The following KDM1B variants were observed in gnomAD, a reference collection of about 807,000 sequenced individuals.
The protein encoded by KDM1B is lysine-specific histone demethylase 2.
Under a neutral mutation model 107.4 loss-of-function variants are expected in KDM1B, and 63 were observed. The ratio of observed to expected loss-of-function variants is 0.59; its 90% CI spans 0.48 to 0.72. The LOEUF is 0.72. Among genes scored for constraint, KDM1B ranks in the 30% least tolerant of loss-of-function variants. KDM1B has a pLI of 0.00. For synonymous variants in KDM1B, 363 were observed against 363.9 expected, an observed-to-expected ratio of 1.00 and a Z score of 0.03; for missense variants, 749 against 1,020.8, an observed-to-expected ratio of 0.73 and a Z score of 3.63.
In KDM1B at chr6:18,171,351, C is replaced by T; in HGVS notation, c.418-12C>T. ...CTCACTTGTTCATCTTGACTTGATACTTCCCATCTAGGTTCAGTGTACAAA... is the reference window on the plus strand; with the variant it reads ...CTCACTTGTTCATCTTGACTTGATATTTCCCATCTAGGTTCAGTGTACAAA... On this transcript the variant is annotated splice_polypyrimidine_tract_variant and intron_variant, in intron 6 of 21. Transcript: ENST00000650836. The T allele has an allele frequency of 7.4e-7, 1 of 1,347,354 alleles. No individual in the cohort carries two copies. Among genetic ancestry groups the T allele is most frequent in the South Asian group, 1.2e-5 (1 of 85,862 alleles). The allele number at this position is 1,347,354 out of a possible 1,614,324, so 83.5% of individuals were successfully genotyped here.
intron 20 of KDM1B, 103 bp downstream of exon 20, chr6:18,215,232 A>G (rs1023503487): frequency 7.5e-7 from 1 of 1,324,920 alleles, no homozygotes; most frequent in African/African-American, 1.5e-5. Context: ...ACAGGAAGGA[A>G]GGCAGAGGCC....
chr6:18,173,387 T>C (rs1785788059), intron 7 of KDM1B, among the ~76,000 whole-genome samples: 2 of 152,182 alleles, frequency 1.3e-5, no homozygotes, highest in Admixed American at 1.3e-4. Flanking sequence ...TTTTATTGAT[T>C]TGTAGTTCTT....
At chr6:18,161,687 A>G (rs1784980133) in intron 4 of KDM1B, among the ~76,000 whole-genome samples, 1 of 152,106 alleles carries the variant, frequency 6.6e-6, no homozygotes, top group South Asian at 2.1e-4. Context: ...TTTGCAACAC[A>G]GTGTCCTCAA....
chr6:18,189,867 C>T (rs1355680010), intron 9 of KDM1B, among the ~76,000 whole-genome samples: 5 of 151,956 alleles, frequency 3.3e-5, no homozygotes, highest in Admixed American at 1.3e-4. Flanking sequence ...TATTTTAGGC[C>T]GGGCACAGTG....
chr6:18,160,087 T>G, intron 3 of KDM1B, 105 bp downstream of exon 3: 5 of 715,214 alleles, frequency 7.0e-6, no homozygotes, highest in Non-Finnish European at 1.1e-5. Context: ...CTCAAGTTGC[T>G]TGTATTCTAG....
intron 17 of KDM1B, among the ~76,000 whole-genome samples, chr6:18,208,492 C>T (rs190239427): frequency 3.3e-5 from 5 of 150,282 alleles, no homozygotes; most frequent in African/African-American, 9.8e-5. Context: ...AAAAAAATTC[C>T]TTGGCCAAAT....
chr6:18,218,757 C>T (rs1220679898), intron 21 of KDM1B, among the ~76,000 whole-genome samples: 2 of 152,066 alleles, frequency 1.3e-5, no homozygotes, highest in South Asian at 2.1e-4. Context: ...CTGAGCTGGC[C>T]AGCTAGCTCC....
chr6:18,162,705 C>T lies in KDM1B; in HGVS notation c.216-130C>T. On this transcript the variant is annotated intron_variant, in intron 4 of 21. Coordinates refer to ENST00000650836, the MANE Select transcript of KDM1B (RefSeq NM_001364614.2). This position sits in a 1 kb window ranked among gnomAD's most constrained non-coding sequence, Gnocchi z 4.1. ...TACTAGTAATCCATTCCTGTTTCCC[C>T]TGTCCTTAAGGGGCTAAGTGGAGAT... 1 of 620,194 alleles carries T rather than the reference C, an allele frequency of 1.6e-6. No individual in the cohort carries two copies. Among genetic ancestry groups the T allele is most frequent in the East Asian group, 2.8e-5 (1 of 35,290 alleles). The allele number at this position is 620,194 out of a possible 1,614,324, so 38.4% of individuals were successfully genotyped here. A position where few individuals can be genotyped will look rare whatever the true frequency, so the allele number is the denominator to read the frequency against.
intron 21 of KDM1B, 48 bp downstream of exon 21, chr6:18,217,933 CTT>C (rs1789373968): frequency 1.3e-6 from 2 of 1,580,792 alleles, no homozygotes; most frequent in Admixed American, 1.8e-5. Flanking sequence ...TGATTTCTGT[CTT>C]TCATCTAAAA....
At chr6:18,188,958 AT>A (rs1787084701) in intron 9 of KDM1B, among the ~76,000 whole-genome samples, 1 of 151,498 alleles carries the variant, frequency 6.6e-6, no homozygotes, top group Non-Finnish European at 1.5e-5. Context: ...TAATTTTTAT[AT>A]TTTTAGTAGA....
Position 18,187,931 on chromosome 6 carries a change from A to G in KDM1B, c.713A>G (p.Asn238Ser). 6.4e-7 allele frequency: 1 copy of G among 1,550,416 alleles called. No homozygotes were observed. The highest frequency in any genetic ancestry group is 2.4e-5 in the East Asian group (1 of 40,902). ...VGMSPSCTSTNRAAATGNASP... is the reference protein window; with the variant it reads ...VGMSPSCTSTSRAAATGNASP... ...ATGAGCCCCTCCTGCACCAGCACAA[A>G]CCGCGCCGCTGCCACTGGCAATGCC... Residue 238 changes from asparagine to serine, a missense_variant, in exon 9 of 22, where the codon AAC (asparagine) becomes AGC (serine). Physicochemically the swap from Asn to Ser is conservative, Grantham distance 46 (BLOSUM62 1). Coordinates refer to ENST00000650836, the MANE Select transcript of KDM1B (RefSeq NM_001364614.2).
rs187810679 is a variant in KDM1B at position 18,215,202 on chromosome 6, A to G, written c.2232+73A>G. On this transcript the variant is annotated intron_variant, in intron 20 of 21. Transcript: ENST00000650836. ...TCCAGAGCAGGTGTGAAGCCCAAGC[A>G]GCCAGCGTCACTGAGAATCACAGGA... 891 of 1,506,492 alleles carry G rather than the reference A, an allele frequency of 5.9e-4. 4 individuals are homozygous for G. In the African/African-American group the frequency reaches 0.011, roughly 18 times the overall value. The allele number at this position is 1,506,492 out of a possible 1,614,324, so 93.3% of individuals were successfully genotyped here.
Position 18,159,830 on chromosome 6 carries a change from G to T in KDM1B, c.-13-53G>T. On this transcript the variant is annotated intron_variant, in intron 2 of 21. Coordinates refer to ENST00000650836, the MANE Select transcript of KDM1B (RefSeq NM_001364614.2). The surrounding 1 kb of genome is among the most constrained non-coding windows in gnomAD (Gnocchi z 4.5). ...AGTGTATAATAACTTGCTCCAGACTGTTAAAAATATTTGCAGATGCTAATA... is the reference window on the plus strand; with the variant it reads ...AGTGTATAATAACTTGCTCCAGACTTTTAAAAATATTTGCAGATGCTAATA... 1.1e-6 allele frequency: 1 copy of T among 939,988 alleles called. No individual in the cohort carries two copies. The allele number at this position is 939,988 out of a possible 1,614,324, so 58.2% of individuals were successfully genotyped here. A position where few individuals can be genotyped will look rare whatever the true frequency, so the allele number is the denominator to read the frequency against.
chr6:18,166,141 A>G, intron 5 of KDM1B, 126 bp from the exon 6 acceptor site: 1 of 581,778 alleles, frequency 1.7e-6, no homozygotes, highest in Non-Finnish European at 3.1e-6. Flanking sequence ...AACTTTCTCT[A>G]CTTTTATAAC....
Position 18,201,430 on chromosome 6 carries a change from T to C in KDM1B, c.1360-56T>C. 1 of 1,306,560 alleles carries C rather than the reference T, an allele frequency of 7.7e-7. No individual in the cohort carries two copies. Among genetic ancestry groups the C allele is most frequent in the East Asian group, 2.5e-5 (1 of 39,696 alleles). The allele number at this position is 1,306,560 out of a possible 1,614,324, so 80.9% of individuals were successfully genotyped here. On this transcript the variant is annotated intron_variant, in intron 13 of 21. Coordinates refer to ENST00000650836, the MANE Select transcript of KDM1B (RefSeq NM_001364614.2). The surrounding 1 kb of genome is among the most constrained non-coding windows in gnomAD (Gnocchi z 4.3). ...TCTGTCTGATTTTCAGCTTAGAACC[T>C]GTAAATATTTTTTTCCAGGGAAAAT...
chr6:18,214,934 A>G lies in KDM1B; in HGVS notation c.2110-73A>G. ...CATTTAAAACAAAACAAAACAAAAA[A>G]CAAAAAAAAGAGGCCCTTATCTGTG... On this transcript the variant is annotated intron_variant, in intron 19 of 21. Transcript: ENST00000650836. The surrounding 1 kb of genome is among the most constrained non-coding windows in gnomAD (Gnocchi z 4.4). The G allele has an allele frequency of 7.1e-7, 1 of 1,403,346 alleles. No individual in the cohort carries two copies. Among genetic ancestry groups the G allele is most frequent in the Non-Finnish European group, 9.5e-7 (1 of 1,053,018 alleles). The allele number at this position is 1,403,346 out of a possible 1,614,324, so 86.9% of individuals were successfully genotyped here.
rs1289732234 is a variant in KDM1B, at chr6:18,187,872, C to T, written c.654C>T (p.Pro218=). ...TGCTGAAAGACAGTGTGGCAGCGCC[C>T]CTGCTGTCTGCCTACTACCCTGACT... is the stretch of plus-strand genomic sequence containing the variant. ...PPLLKDSVAA[P]LLSAYYPDCV... The change falls in exon 9 of 22, where the codon CCC becomes CCT. Residue 218 remains proline (P), a synonymous_variant. Transcript: ENST00000650836. 6.4e-7 allele frequency: 1 copy of T among 1,550,444 alleles called. No homozygotes were observed. Among genetic ancestry groups the T allele is most frequent in the Non-Finnish European group, 8.7e-7 (1 of 1,146,960 alleles).
chr6:18,163,792 A>T (rs1785116306), intron 5 of KDM1B, among the ~76,000 whole-genome samples: 4 of 152,322 alleles, frequency 2.6e-5, no homozygotes, highest in Middle Eastern at 6.8e-3. Flanking sequence ...TATACTTTGT[A>T]TGATTTCTAC....
At chr6:18,168,234 G>A (rs113538997) in intron 6 of KDM1B, among the ~76,000 whole-genome samples, 5 of 152,250 alleles carry the variant, frequency 3.3e-5, no homozygotes, top group African/African-American at 9.6e-5. Flanking sequence ...TAATTCCAAA[G>A]TATTTTCATC....
Sources: gnomAD v4.1 joint callset for allele counts (sites outside exome capture counted in the v4.1 genomes callset) on GRCh38, gnomAD v4.1.1 for gene constraint, Gnocchi (gnomAD v3.1) non-coding constraint, MANE v1.5 for transcripts, NCBI Gene and HGNC (gene_info 2026-07-23, HGNC 2026-07-21) for gene names.